Variants in CCSER1 observed in about 807,000 individuals in gnomAD.
CCSER1 encodes serine-rich coiled-coil domain-containing protein 1.
CCSER1 carries 41 observed loss-of-function variants against 82.0 expected under a neutral mutation model. The ratio of observed to expected loss-of-function variants is 0.50; its 90% CI spans 0.39 to 0.65. The LOEUF (loss-of-function observed/expected upper bound fraction) is 0.65, where lower values mean the gene tolerates loss of function less well. Among genes scored for constraint, CCSER1 ranks in the 30% least tolerant of loss-of-function variants. The pLI is 0.00. For missense variants in CCSER1, 1,119 were observed against 1,064.2 expected (o/e 1.05, Z -0.72); for synonymous variants, 414 against 383.9 (o/e 1.08, Z -0.92).
intron 6 of CCSER1, among the ~76,000 whole-genome samples, chr4:90,666,153 T>C (rs1230469208): frequency 2.6e-5 from 4 of 152,144 alleles, no homozygotes; most frequent in Non-Finnish European, 5.9e-5. Flanking sequence ...ACTCTCCTTT[T>C]CATACGTTAG....
intron 4 of CCSER1, among the ~76,000 whole-genome samples, chr4:90,458,419 T>A (rs1219001678): frequency 2.2e-4 from 34 of 152,056 alleles, no homozygotes; most frequent in Non-Finnish European, 4.6e-4. Context: ...AGTGGCACCA[T>A]CTTGGCTCAC....
At chr4:90,449,867 G>A (rs1257753069) in intron 4 of CCSER1, among the ~76,000 whole-genome samples, 1 of 152,168 alleles carries the variant, frequency 6.6e-6, no homozygotes. Context: ...TACCAAGGAG[G>A]GTGAGGCTCT....
intron 10 of CCSER1, among the ~76,000 whole-genome samples, chr4:91,099,940 A>G (rs779027342): frequency 2.0e-5 from 3 of 152,174 alleles, no homozygotes; most frequent in Non-Finnish European, 4.4e-5. Flanking sequence ...TAGCTATGTT[A>G]GTAGAGATTC....
In CCSER1 at chr4:91,140,241, G is replaced by C. The variant is rs192295909; in HGVS notation, c.2217+54247G>C. Among the ~76,000 whole-genome samples the C allele has an allele frequency of 2.3e-3, 345 of 151,812 alleles. 2 individuals carry two copies. Among genetic ancestry groups the C allele is most frequent in the African/African-American group, 7.7e-3 (319 of 41,512 alleles). ...TAATATAGTATAATGATGAGAAAAA[G>C]ATAATAGAAAAGCAGAAAATAAAAG... On this transcript the variant is annotated intron_variant, in intron 10 of 10. Transcript: ENST00000509176.
At chr4:90,165,207 A>C (rs1474510760) in intron 1 of CCSER1, among the ~76,000 whole-genome samples, 1 of 152,072 alleles carries the variant, frequency 6.6e-6, no homozygotes, top group African/African-American at 2.4e-5. Context: ...TTCACTATAC[A>C]CAATAGCTGG....
intron 9 of CCSER1, among the ~76,000 whole-genome samples, chr4:90,950,615 A>G (rs1279163404): frequency 2.0e-5 from 3 of 152,122 alleles, no homozygotes; most frequent in Admixed American, 6.6e-5. Flanking sequence ...TGTTTTTGGT[A>G]CAGGCTTTTG....
At chr4:90,835,092 G>A (rs1305774574) in intron 8 of CCSER1, among the ~76,000 whole-genome samples, 1 of 152,084 alleles carries the variant, frequency 6.6e-6, no homozygotes, top group Admixed American at 6.5e-5. Flanking sequence ...AGCACTTTGG[G>A]AGGCCGAGGC....
At chr4:90,208,558 A>T (rs1739360865) in intron 1 of CCSER1, among the ~76,000 whole-genome samples, 1 of 151,996 alleles carries the variant, frequency 6.6e-6, no homozygotes, top group African/African-American at 2.4e-5. Context: ...GTATGAAAAA[A>T]AACTCCTGCA....
chr4:91,150,908 C>G (rs960922995), intron 10 of CCSER1, among the ~76,000 whole-genome samples: 5 of 152,138 alleles, frequency 3.3e-5, no homozygotes, highest in Admixed American at 3.3e-4. Flanking sequence ...TGATGTTCAT[C>G]AGGGATATTG....
At chr4:91,381,001 G>T (rs1191920811) in intron 10 of CCSER1, among the ~76,000 whole-genome samples, 1 of 152,044 alleles carries the variant, frequency 6.6e-6, no homozygotes, top group East Asian at 1.9e-4. Context: ...CTCCTTCACT[G>T]ATGAAGCTTA....
intron 10 of CCSER1, among the ~76,000 whole-genome samples, chr4:91,137,840 T>A (rs1728637855): frequency 6.8e-6 from 1 of 147,282 alleles, no homozygotes; most frequent in Non-Finnish European, 1.5e-5. Context: ...TCACAATTGC[T>A]TCAAAGAGAA....
chr4:90,775,667 G>A (rs899191508), intron 7 of CCSER1, among the ~76,000 whole-genome samples: 19 of 152,092 alleles, frequency 1.2e-4, no homozygotes, highest in South Asian at 4.1e-4. Context: ...TGGGTTAATC[G>A]TAAATAGGAA....
rs1764797496 is a variant in CCSER1 at position 91,601,076 on chromosome 4, A to G, written c.*2019A>G. The G allele has an allele frequency of 6.6e-6, 1 of 152,114 alleles. No individual in the cohort carries two copies. Among genetic ancestry groups the G allele is most frequent in the South Asian group, 2.1e-4 (1 of 4,838 alleles). 9.4% of individuals were successfully genotyped at this position (152,114 alleles called of 1,614,324 possible). ...ATCTGTACATAAATAAGCATGATAA[A>G]ATAATCAAGGATTTTTTCCCAGGAT... On this transcript the variant is annotated 3_prime_UTR_variant, in exon 11 of 11. Coordinates refer to ENST00000509176, the MANE Select transcript of CCSER1 (RefSeq NM_001145065.2).
intron 1 of CCSER1, among the ~76,000 whole-genome samples, chr4:90,171,631 T>G (rs747836499): frequency 6.6e-6 from 1 of 151,932 alleles, no homozygotes; most frequent in Non-Finnish European, 1.5e-5. Context: ...TTATAATTAT[T>G]ACAGTCTGTG....
At chr4:90,710,269 TTTTG>T (rs1219147444) in intron 6 of CCSER1, among the ~76,000 whole-genome samples, 7 of 152,102 alleles carry the variant, frequency 4.6e-5, no homozygotes, top group African/African-American at 1.7e-4. Flanking sequence ...AGTGATAGTT[TTTTG>T]TTGTTGTTGT....
chr4:90,181,364 A>G (rs542551405), intron 1 of CCSER1, among the ~76,000 whole-genome samples: 1 of 152,324 alleles, frequency 6.6e-6, no homozygotes, highest in South Asian at 2.1e-4. Flanking sequence ...AAGTTAATGC[A>G]AAAGTAATGA....
intron 10 of CCSER1, among the ~76,000 whole-genome samples, chr4:91,346,613 T>A (rs1162805709): frequency 6.6e-6 from 1 of 152,212 alleles, no homozygotes; most frequent in African/African-American, 2.4e-5. Context: ...CAGCAATGAA[T>A]GAGATCTCCT....
At chr4:90,606,045 C>A (rs2148789266) in intron 5 of CCSER1, among the ~76,000 whole-genome samples, 1 of 152,004 alleles carries the variant, frequency 6.6e-6, no homozygotes, top group Middle Eastern at 3.4e-3. Flanking sequence ...ATTATAATTT[C>A]ATTTGGCTTA....
intron 10 of CCSER1, among the ~76,000 whole-genome samples, chr4:91,340,524 TG>T (rs958523662): frequency 5.9e-5 from 9 of 152,132 alleles, no homozygotes; most frequent in South Asian, 4.2e-4. Flanking sequence ...TGGGCTTTTT[TG>T]TTAAGTAATT....
Sources: allele counts gnomAD v4.1 joint callset (sites outside exome capture counted in the v4.1 genomes callset), GRCh38; gene constraint gnomAD v4.1.1; transcripts MANE v1.5; gene names NCBI Gene and HGNC (gene_info 2026-07-23, HGNC 2026-07-21).